Variants in GRM7 observed in about 807,000 individuals in gnomAD.
GRM7 encodes the protein metabotropic glutamate receptor 7.
In GRM7, 35 loss-of-function variants were observed where a neutral mutation model predicts 84.5. That is an observed-to-expected ratio of 0.41 (90% CI 0.32 to 0.55). The LOEUF (loss-of-function observed/expected upper bound fraction) is 0.55, where lower values mean the gene tolerates loss of function less well. Among genes scored for constraint, GRM7 ranks in the 20% least tolerant of loss-of-function variants. The probability of loss-of-function intolerance (pLI) is 0.19; values close to 1 mark genes in which losing one functional copy is unlikely to be tolerated. For missense variants in GRM7, 1,003 were observed against 1,194.6 expected (o/e 0.84, Z 2.36); for synonymous variants, 487 against 455.1 (o/e 1.07, Z -0.89).
In GRM7 at chr3:7,561,406, T is replaced by A. The variant is rs765918104; in HGVS notation, c.1516-17016T>A. The A allele has an allele frequency of 3.2e-4, 114 of 359,464 alleles. 1 individual carries two copies. The highest frequency in any genetic ancestry group is 1.5e-4 in the East Asian group (2 of 13,076). 22.3% of individuals were successfully genotyped at this position (359,464 alleles called of 1,614,324 possible). On this transcript the variant is annotated intron_variant, in intron 7 of 9. Coordinates refer to ENST00000357716, the MANE Select transcript of GRM7 (RefSeq NM_000844.4). The stretch of plus-strand genomic sequence containing the variant: ...GTGTTTCTCATGTCTGTATTTTTAT[T>A]GTTTAATACAGTGCATGGAACACAG...
intron 7 of GRM7, among the ~76,000 whole-genome samples, chr3:7,563,718 G>A (rs1408896852): frequency 1.3e-5 from 2 of 152,116 alleles, no homozygotes; most frequent in Non-Finnish European, 2.9e-5. Context: ...GTCTGCTTTG[G>A]AATGACATGA....
At chr3:6,908,929 A>AT (rs374904290) in intron 1 of GRM7, among the ~76,000 whole-genome samples, 4 of 151,990 alleles carry the variant, frequency 2.6e-5, no homozygotes, top group African/African-American at 4.8e-5. Flanking sequence ...CCCTTTTGCA[A>AT]TTTTTTCTCC....
chr3:7,353,523 C>T (rs1230461359), intron 4 of GRM7, among the ~76,000 whole-genome samples: 2 of 151,958 alleles, frequency 1.3e-5, no homozygotes, highest in East Asian at 3.9e-4. Flanking sequence ...GCCTGATCTC[C>T]CTTGGTTTAC....
At position 7,133,349 on chromosome 3, in the gene GRM7, C is replaced by A. The variant is rs183850170; in HGVS notation, c.520-13103C>A. ...CCCCAACTGTGACAATGTTCCTCCA[C>A]CCCCAATACCACGCACACATGAGGT... On this transcript the variant is annotated intron_variant, in intron 1 of 9. Transcript: ENST00000357716. Among the ~76,000 whole-genome samples the A allele has an allele frequency of 4.6e-5, 7 of 152,344 alleles. No individual in the cohort carries two copies. In the South Asian group the frequency reaches 1.4e-3, roughly 32 times the overall value.
At chr3:7,326,975 A>T (rs181351384) in intron 4 of GRM7, among the ~76,000 whole-genome samples, 2 of 152,190 alleles carry the variant, frequency 1.3e-5, no homozygotes, top group Non-Finnish European at 2.9e-5. Context: ...TTTGTTTAAT[A>T]TCTGTGTTCC....
At chr3:7,659,722 A>C (rs1008592148) in intron 8 of GRM7, among the ~76,000 whole-genome samples, 24 of 152,358 alleles carry the variant, frequency 1.6e-4, no homozygotes, top group African/African-American at 5.8e-4. Flanking sequence ...GGCTGGCTCC[A>C]CAGCAACAAG....
intron 1 of GRM7, among the ~76,000 whole-genome samples, chr3:6,913,489 G>A (rs1162553776): frequency 6.6e-6 from 1 of 152,148 alleles, no homozygotes; most frequent in African/African-American, 2.4e-5. Context: ...AATCCGTTAT[G>A]TGAAAATACT....
chr3:7,651,896 C>T (rs1385369355), intron 8 of GRM7, among the ~76,000 whole-genome samples: 3 of 152,196 alleles, frequency 2.0e-5, no homozygotes, highest in Non-Finnish European at 4.4e-5. Context: ...AGCCTAGCTG[C>T]ACACATACAG....
intron 2 of GRM7, among the ~76,000 whole-genome samples, chr3:7,187,067 C>T (rs1258946406): frequency 6.6e-6 from 1 of 152,052 alleles, no homozygotes; most frequent in Admixed American, 6.6e-5. Flanking sequence ...TGAATAGCCA[C>T]TACACTCCAG....
intron 8 of GRM7, among the ~76,000 whole-genome samples, chr3:7,619,539 A>G (rs1474068792): frequency 6.6e-6 from 1 of 152,106 alleles, no homozygotes; most frequent in East Asian, 1.9e-4. Flanking sequence ...TTCGAACAAA[A>G]TGCAAACTTT....
At chr3:7,118,102 A>G (rs927068056) in intron 1 of GRM7, among the ~76,000 whole-genome samples, 2 of 152,094 alleles carry the variant, frequency 1.3e-5, no homozygotes, top group African/African-American at 2.4e-5. Context: ...AACCCAAAAG[A>G]AGGCTGGGTA....
At chr3:7,226,265 T>C (rs1696978327) in intron 2 of GRM7, among the ~76,000 whole-genome samples, 1 of 152,180 alleles carries the variant, frequency 6.6e-6, no homozygotes, top group Non-Finnish European at 1.5e-5. Context: ...TTTGCTGTCA[T>C]GGTGTCAGCC....
intron 1 of GRM7, among the ~76,000 whole-genome samples, chr3:7,003,329 A>G (rs777828706): frequency 6.6e-6 from 1 of 152,208 alleles, no homozygotes; most frequent in African/African-American, 2.4e-5. Context: ...ATGTATGCAT[A>G]TATCAAAACA....
chr3:7,495,411 G>T (rs1298858682), intron 7 of GRM7, among the ~76,000 whole-genome samples: 1 of 152,112 alleles, frequency 6.6e-6, no homozygotes, highest in Admixed American at 6.6e-5. Context: ...CAGGGACAAA[G>T]GGGCCAGGCT....
chr3:7,239,118 G>C (rs1446228687), intron 2 of GRM7, among the ~76,000 whole-genome samples: 4 of 150,974 alleles, frequency 2.6e-5, no homozygotes, highest in African/African-American at 9.7e-5. Flanking sequence ...TCCCACCTCA[G>C]CCTCCTGGAT....
intron 4 of GRM7, among the ~76,000 whole-genome samples, chr3:7,395,426 T>A (rs1288270661): frequency 6.6e-6 from 1 of 152,224 alleles, no homozygotes; most frequent in Non-Finnish European, 1.5e-5. Context: ...CCACTTCAGA[T>A]AGCATGTCAT....
At chr3:6,987,397 GACA>G (rs201188212) in intron 1 of GRM7, among the ~76,000 whole-genome samples, 1,843 of 133,766 alleles carry the variant, frequency 0.014, 38 homozygotes, top group African/African-American at 0.053. Flanking sequence ...GGTGCTGAAG[GACA>G]AAAAAAAAAA....
intron 7 of GRM7, among the ~76,000 whole-genome samples, chr3:7,558,632 G>T (rs976242846): frequency 2.0e-5 from 3 of 152,064 alleles, no homozygotes; most frequent in African/African-American, 7.2e-5. Context: ...AAGACAATTA[G>T]GGGTCCACAT....
chr3:7,341,465 G>A (rs1692628284), intron 4 of GRM7, among the ~76,000 whole-genome samples: 1 of 151,728 alleles, frequency 6.6e-6, no homozygotes. Context: ...ACTAGATAGA[G>A]TATTACTATT....
Sources: allele counts gnomAD v4.1 joint callset (sites outside exome capture counted in the v4.1 genomes callset), GRCh38; gene constraint gnomAD v4.1.1; transcripts MANE v1.5; gene names NCBI Gene and HGNC (gene_info 2026-07-23, HGNC 2026-07-21).